The following CD93 variants were observed in gnomAD, a reference collection of about 807,000 sequenced individuals.
The protein encoded by CD93 is complement component C1q receptor.
CD93 carries 44 observed loss-of-function variants against 45.5 expected under a neutral mutation model. The ratio of observed to expected loss-of-function variants is 0.97; its 90% confidence interval spans 0.76 to 1.24. The LOEUF (loss-of-function observed/expected upper bound fraction) is 1.24. Ranked by LOEUF, CD93 falls within the 50% of genes most tolerant of loss-of-function variation. CD93 has a pLI of 0.00. For missense variants in CD93, 918 were observed against 844.5 expected (o/e 1.09, Z -1.08); for synonymous variants, 431 against 370.8 (o/e 1.16, Z -1.87).
Position 23,084,819 on chromosome 20 carries a change from C to T in CD93, c.1374G>A (p.Trp458Ter), listed in dbSNP as rs1985430451. The T allele has an allele frequency of 6.2e-7, 1 of 1,613,272 alleles. No individual in the cohort carries two copies. The highest frequency in any genetic ancestry group is 8.5e-7 in the Non-Finnish European group (1 of 1,179,994). Reference sequence around the variant, plus strand: ...AAGAGACCCCATTTGGGGCCAGCACCCAGCCTGGCAGGCAGCCACAGTGGA... The same window carrying T: ...AAGAGACCCCATTTGGGGCCAGCACTCAGCCTGGCAGGCAGCCACAGTGGA... ...GSFHCGCLPG[W>*]VLAPNGVSCT... The change falls in exon 1 of 2, where the codon TGG (tryptophan) becomes TGA (stop). Residue 458 changes from tryptophan to a stop codon, truncating the protein, a stop_gained. Transcript: ENST00000246006. LOFTEE classifies it high-confidence loss of function.
Position 23,084,338 on chromosome 20 carries a change from TCTC to T in CD93, c.1852_1854del (p.Glu618del), listed in dbSNP as rs1219758730. The T allele has an allele frequency of 6.2e-7, 1 of 1,614,184 alleles. No homozygotes were observed. Among genetic ancestry groups the T allele is most frequent in the South Asian group, 1.1e-5 (1 of 91,088 alleles). On this transcript the variant is annotated inframe_deletion, in exon 1 of 2. Coordinates refer to ENST00000246006, the MANE Select transcript of CD93 (RefSeq NM_012072.4). ...CTGTCTGCCGCATTCTGGGGCTTCTTCTCCTTCTTCTCCTCCCTCTTCGCTCTC... is the reference window on the plus strand; with the variant it reads ...CTGTCTGCCGCATTCTGGGGCTTCTTCTTCTTCTCCTCCCTCTTCGCTCTC...
chr20:23,079,674 C>T lies in CD93; in HGVS notation c.*4276G>A, dbSNP rs148059911. The T allele has an allele frequency of 6.6e-6, 1 of 152,314 alleles. No individual in the cohort carries two copies. Among genetic ancestry groups the T allele is most frequent in the African/African-American group, 2.4e-5 (1 of 41,570 alleles). 9.4% of individuals were successfully genotyped at this position (152,314 alleles called of 1,614,324 possible). ...TTACATCTGACATCACAGAGCAAGCCTTTGCAGGGATCTAATTCAAGCTTA... is the reference window on the plus strand; with the variant it reads ...TTACATCTGACATCACAGAGCAAGCTTTTGCAGGGATCTAATTCAAGCTTA... On this transcript the variant is annotated 3_prime_UTR_variant, in exon 2 of 2. Transcript: ENST00000246006.
rs1381277350 is a variant in CD93, at chr20:23,084,438, G to A, written c.1755C>T (p.Tyr585=). 1.2e-6 allele frequency: 2 copies of A among 1,614,232 alleles called. No homozygotes were observed. The highest frequency in any genetic ancestry group is 1.7e-5 in the Admixed American group (1 of 60,034). The stretch of plus-strand genomic sequence containing the variant: ...GGATGGCCACCACGGTGCCTAGGAT[G>A]TAGAATAAAAGCAGCTTTTGCCCGT... The part of the protein sequence containing the change: ...GTDGQKLLLF[Y]ILGTVVAILL... The change falls in exon 1 of 2, where the codon TAC becomes TAT. Residue 585 remains tyrosine (Y), a synonymous_variant. Transcript: ENST00000246006.
chr20:23,084,292 C>G lies in CD93; in HGVS notation c.1901G>C (p.Arg634Pro). 1 of 1,614,114 alleles carries G rather than the reference C, an allele frequency of 6.2e-7. No individual in the cohort carries two copies. Among genetic ancestry groups the G allele is most frequent in the Non-Finnish European group, 8.5e-7 (1 of 1,180,034 alleles). Residue 634 changes from arginine (R) to proline (P), a missense_variant, in exon 1 of 2, where the codon CGA (arginine) becomes CCA (proline). By Grantham distance (103) the Arg-to-Pro change is moderately radical. Coordinates refer to ENST00000246006, the MANE Select transcript of CD93 (RefSeq NM_012072.4). ...AADSYSWVPE[R>P]AESRAMENQY... The stretch of plus-strand genomic sequence containing the variant: ...GTTCTCCATGGCCCTGCTCTCAGCT[C>G]GCTCTGGAACCCAGGAGTAACTGTC...
At position 23,084,580 on chromosome 20, in the gene CD93, C is replaced by T; in HGVS notation, c.1613G>A (p.Ser538Asn). ...CTCCCTCCAGACGCCTGGGGACCCA[C>T]TGGGGGCCAGCATCTTGAGTGGGGC... Reference protein sequence around the residue: ...TSAPLKMLAPSGSPGVWREPS... With the variant: ...TSAPLKMLAPNGSPGVWREPS... Residue 538 changes from serine to asparagine, a missense_variant, in exon 1 of 2, where the codon AGT becomes AAT. Ser to Asn is a conservative substitution (Grantham distance 46). Transcript: ENST00000246006. 1 of 1,613,384 alleles carries T rather than the reference C, an allele frequency of 6.2e-7. No homozygotes were observed. The highest frequency in any genetic ancestry group is 8.5e-7 in the Non-Finnish European group (1 of 1,179,698).
Position 23,086,311 on chromosome 20 carries a change from G to A in CD93, c.-119C>T, listed in dbSNP as rs1442158486. ...AGGGGTGAGCTGCAGCCACTCCGGC[G>A]CAGAGAAGGACACAAAGGCTGAGGG... On this transcript the variant is annotated 5_prime_UTR_variant, in exon 1 of 2. Coordinates refer to ENST00000246006, the MANE Select transcript of CD93 (RefSeq NM_012072.4). 3 of 1,277,324 alleles carry A rather than the reference G, an allele frequency of 2.3e-6. No individual in the cohort carries two copies. Among genetic ancestry groups the A allele is most frequent in the Non-Finnish European group, 3.1e-6 (3 of 955,674 alleles). 79.1% of individuals were successfully genotyped at this position (1,277,324 alleles called of 1,614,324 possible).
rs777712789 is a variant in CD93 at position 23,085,290 on chromosome 20, G to C, written c.903C>G (p.Ala301=). The stretch of plus-strand genomic sequence containing the variant: ...GGCTGGAGCTGCAAGGGTTTCGAGA[G>C]GCACAGGTCACCAGGTCATCCAGCA... The part of the protein sequence containing the change: ...FRLLDDLVTC[A]SRNPCSSSPC... Residue 301 remains alanine (A), a synonymous_variant, in exon 1 of 2, where the codon GCC becomes GCG. Transcript: ENST00000246006. The C allele has an allele frequency of 6.2e-7, 1 of 1,613,994 alleles. No homozygotes were observed. Among genetic ancestry groups the C allele is most frequent in the Non-Finnish European group, 8.5e-7 (1 of 1,180,018 alleles).
At position 23,085,480 on chromosome 20, in the gene CD93, AAAT is replaced by A. The variant is rs1339521551; in HGVS notation, c.710_712del (p.Tyr237del). 1.9e-6 allele frequency: 3 copies of A among 1,613,768 alleles called. No individual in the cohort carries two copies. Among genetic ancestry groups the A allele is most frequent in the African/African-American group, 2.7e-5 (2 of 74,926 alleles). On this transcript the variant is annotated inframe_deletion, in exon 1 of 2. Transcript: ENST00000246006. Reference sequence around the variant, plus strand: ...ATCGGGGGCCTTCTCCTTGCACAGGAAATAATGACTCTGAGTCTCGTCCTTGTC... The same window carrying A: ...ATCGGGGGCCTTCTCCTTGCACAGGAAATGACTCTGAGTCTCGTCCTTGTC...
Position 23,084,766 on chromosome 20 carries a change from G to A in CD93, c.1427C>T (p.Pro476Leu). The stretch of plus-strand genomic sequence containing the variant: ...CTCCTCATCGGGGGGCCCAGATGGT[G>A]GTCCCAGAGACACAGGCCCCATGGT... Reference protein sequence around the residue: ...SCTMGPVSLGPPSGPPDEEDK... With the variant: ...SCTMGPVSLGLPSGPPDEEDK... The change falls in exon 1 of 2, where the codon CCA (proline) becomes CTA (leucine). Residue 476 changes from proline to leucine, a missense_variant. By Grantham distance (98) the Pro-to-Leu change is moderately conservative. Coordinates refer to ENST00000246006, the MANE Select transcript of CD93 (RefSeq NM_012072.4). 1 of 1,611,782 alleles carries A rather than the reference G, an allele frequency of 6.2e-7. No homozygotes were observed. Among genetic ancestry groups the A allele is most frequent in the East Asian group, 2.2e-5 (1 of 44,842 alleles).
At position 23,080,786 on chromosome 20, in the gene CD93, G is replaced by A. The variant is rs570419979; in HGVS notation, c.*3164C>T. The A allele has an allele frequency of 6.6e-6, 1 of 152,386 alleles. No homozygotes were observed. The highest frequency in any genetic ancestry group is 1.5e-5 in the Non-Finnish European group (1 of 68,072). The allele number at this position is 152,386 out of a possible 1,614,324, so 9.4% of individuals were successfully genotyped here. ...GCCACCGAAGGCAGAGACCAGATGT[G>A]GTTGGTCTTGCCTGGAAGCCAAGCT... On this transcript the variant is annotated 3_prime_UTR_variant, in exon 2 of 2. Transcript: ENST00000246006.
chr20:23,084,651 G>T lies in CD93; in HGVS notation c.1542C>A (p.Pro514=). 1 of 1,596,610 alleles carries T rather than the reference G, an allele frequency of 6.3e-7. No individual in the cohort carries two copies. Among genetic ancestry groups the T allele is most frequent in the Non-Finnish European group, 8.5e-7 (1 of 1,171,134 alleles). ...RGPEGTPKAT[P]TTSRPSLSSD... ...ATGACAGCGAAGGTCTACTTGTGGT[G>T]GGTGTAGCCTTGGGGGTGCCCTCGG... Residue 514 remains proline, a synonymous_variant, in exon 1 of 2, where the codon CCC becomes CCA. Coordinates refer to ENST00000246006, the MANE Select transcript of CD93 (RefSeq NM_012072.4).
chr20:23,084,566 C>T lies in CD93; in HGVS notation c.1627G>A (p.Val543Ile), dbSNP rs150881468. The change falls in exon 1 of 2, where the codon GTC becomes ATC. Residue 543 changes from valine to isoleucine, a missense_variant. Transcript: ENST00000246006. ...TGATGGATGCTGGGCTCCCTCCAGA[C>T]GCCTGGGGACCCACTGGGGGCCAGC... is the stretch of plus-strand genomic sequence containing the variant. The part of the protein sequence containing the change: ...KMLAPSGSPG[V>I]WREPSIHHAT... 2.1e-4 allele frequency: 339 copies of T among 1,612,406 alleles called. 1 individual carries two copies. The African/African-American group carries it at 3.0e-3, about 14-fold the overall frequency.
chr20:23,083,833 T>C lies in CD93; in HGVS notation c.*117A>G. The C allele has an allele frequency of 1.1e-6, 1 of 930,104 alleles. No individual in the cohort carries two copies. The highest frequency in any genetic ancestry group is 1.8e-6 in the Non-Finnish European group (1 of 557,752). 57.6% of individuals were successfully genotyped at this position (930,104 alleles called of 1,614,324 possible). On this transcript the variant is annotated 3_prime_UTR_variant, in exon 2 of 2. Coordinates refer to ENST00000246006, the MANE Select transcript of CD93 (RefSeq NM_012072.4). ...CCTTTAAGGAGGAGACTTACAATTG[T>C]TTGCTAAGATTCCAGTCCAGTCTTT...
Position 23,085,628 on chromosome 20 carries a change from G to A in CD93, c.565C>T (p.Arg189Trp), listed in dbSNP as rs1436136683. 2.5e-6 allele frequency: 4 copies of A among 1,612,844 alleles called. No individual in the cohort carries two copies. Among genetic ancestry groups the A allele is most frequent in the Non-Finnish European group, 3.4e-6 (4 of 1,179,780 alleles). Residue 189 changes from arginine to tryptophan, a missense_variant, in exon 1 of 2, where the codon CGG (arginine) becomes TGG (tryptophan). Transcript: ENST00000246006. ...CCTGGGCCCCCCAGGGCCAGAGGCC[G>A]GCACATGCCTTTGAAGCTGAACTTG... ...VCKFSFKGMC[R>W]PLALGGPGQV...
rs373141807 is a variant in CD93 at position 23,084,413 on chromosome 20, G to T, written c.1780C>A (p.Leu594Ile). Residue 594 changes from leucine to isoleucine, a missense_variant, in exon 1 of 2, where the codon CTA (leucine) becomes ATA (isoleucine). Physicochemically the swap from Leu to Ile is conservative, Grantham distance 5 (BLOSUM62 2). Transcript: ENST00000246006. ...FYILGTVVAILLLLALALGLL... is the reference protein window; with the variant it reads ...FYILGTVVAIILLLALALGLL... ...CCCAGAGCCAGGGCCAGCAGGAGTA[G>T]GATGGCCACCACGGTGCCTAGGATG... 6.2e-7 allele frequency: 1 copy of T among 1,614,234 alleles called. No homozygotes were observed. Among genetic ancestry groups the T allele is most frequent in the East Asian group, 2.2e-5 (1 of 44,876 alleles).
Position 23,084,938 on chromosome 20 carries a change from C to T in CD93, c.1255G>A (p.Gly419Arg), listed in dbSNP as rs369045198. The T allele has an allele frequency of 4.9e-5, 79 of 1,613,432 alleles. No individual in the cohort carries two copies. Among genetic ancestry groups the T allele is most frequent in the Admixed American group, 6.7e-5 (4 of 59,994 alleles). Residue 419 changes from glycine (G) to arginine (R), a missense_variant, in exon 1 of 2, where the codon GGG (glycine) becomes AGG (arginine). Gly to Arg is a moderately radical substitution (Grantham distance 125). Transcript: ENST00000246006. ...TCCTGGCACTGAGTCCCGTCCTCCC[C>T]GGCCAGGACGTAGCCCTCCTCACAG... ...CSCEEGYVLA[G>R]EDGTQCQDVD...
At position 23,086,067 on chromosome 20, in the gene CD93, G is replaced by T; in HGVS notation, c.126C>A (p.Gly42=). Residue 42 remains glycine (G), a synonymous_variant, in exon 1 of 2, where the codon GGC becomes GGA. Transcript: ENST00000246006. ...TCTGGGCCTCGGCAGCGCTCAGCTT[G>T]CCCGAGTGGGCCGTGTAGCAGGCGG... ...VGTACYTAHS[G]KLSAAEAQNH... is the part of the protein sequence containing the mutation. 6.2e-7 allele frequency: 1 copy of T among 1,603,456 alleles called. No individual in the cohort carries two copies. Among genetic ancestry groups the T allele is most frequent in the Non-Finnish European group, 8.5e-7 (1 of 1,179,210 alleles).
At position 23,084,759 on chromosome 20, in the gene CD93, A is replaced by G. The variant is rs754442365; in HGVS notation, c.1434T>C (p.Ser478=). Residue 478 remains serine, a synonymous_variant, in exon 1 of 2, where the codon TCT becomes TCC. Coordinates refer to ENST00000246006, the MANE Select transcript of CD93 (RefSeq NM_012072.4). Reference sequence around the variant, plus strand: ...CTTTGTCCTCCTCATCGGGGGGCCCAGATGGTGGTCCCAGAGACACAGGCC... The same window carrying G: ...CTTTGTCCTCCTCATCGGGGGGCCCGGATGGTGGTCCCAGAGACACAGGCC... ...TMGPVSLGPP[S]GPPDEEDKGE... 6.2e-7 allele frequency: 1 copy of G among 1,611,328 alleles called. No homozygotes were observed. Among genetic ancestry groups the G allele is most frequent in the Non-Finnish European group, 8.5e-7 (1 of 1,179,240 alleles).
Position 23,085,399 on chromosome 20 carries a change from T to A in CD93, c.794A>T (p.Asn265Ile), listed in dbSNP as rs1326053590. The change falls in exon 1 of 2, where the codon AAC becomes ATC. Residue 265 changes from asparagine to isoleucine, a missense_variant. Coordinates refer to ENST00000246006, the MANE Select transcript of CD93 (RefSeq NM_012072.4). ...PLCVSPKYGCNFNNGGCHQDC... is the reference protein window; with the variant it reads ...PLCVSPKYGCIFNNGGCHQDC... ...CTGGTGGCAGCCCCCATTGTTGAAGTTGCAGCCATACTTGGGGCTGACACA... is the reference window on the plus strand; with the variant it reads ...CTGGTGGCAGCCCCCATTGTTGAAGATGCAGCCATACTTGGGGCTGACACA... The A allele has an allele frequency of 6.2e-7, 1 of 1,613,820 alleles. No homozygotes were observed. Among genetic ancestry groups the A allele is most frequent in the East Asian group, 2.2e-5 (1 of 44,852 alleles).
Sources: allele counts gnomAD v4.1 joint callset, GRCh38; gene constraint gnomAD v4.1.1; transcripts MANE v1.5; gene names NCBI Gene and HGNC (gene_info 2026-07-23, HGNC 2026-07-21).